Variants in SCN3A observed in about 807,000 individuals in gnomAD.
The protein encoded by SCN3A is sodium voltage-gated channel alpha subunit 3.
A neutral mutation model predicts 187.6 loss-of-function variants in SCN3A; 60 were observed. The observed-to-expected ratio is 0.32, with a 90% CI of 0.26 to 0.40. SCN3A has a LOEUF of 0.40. SCN3A is among the 10% of genes least tolerant of loss of function. The probability of loss-of-function intolerance (pLI) is 1.00; values close to 1 mark genes in which losing one functional copy is unlikely to be tolerated. For missense variants in SCN3A, 1,601 were observed against 2,428.2 expected, an observed-to-expected ratio of 0.66 and a Z score of 7.16; for synonymous variants, 788 against 829.2, an observed-to-expected ratio of 0.95 and a Z score of 0.85.
In SCN3A at chr2:165,139,527, C is replaced by T; in HGVS notation, c.2101G>A (p.Gly701Arg). Reference sequence around the variant, plus strand: ...GCTATGCTCACGGCTCTTTGCCTTCCAGAGGAATCCTCCAGCATCTCCATT... The same window carrying T: ...GCTATGCTCACGGCTCTTTGCCTTCTAGAGGAATCCTCCAGCATCTCCATT... ...ISMEMLEDSS[G>R]RQRAVSIASI... The change falls in exon 14 of 28, where the codon GGA becomes AGA. Residue 701 changes from glycine to arginine, a missense_variant. Physicochemically the swap from Gly to Arg is moderately radical, Grantham distance 125. Around this residue, in one of 11 missense-constraint regions of SCN3A, gnomAD observed 376 missense variants for 476.0 expected, o/e 0.79. Coordinates refer to ENST00000283254, the MANE Select transcript of SCN3A (RefSeq NM_006922.4). 1 of 1,613,928 alleles carries T rather than the reference C, an allele frequency of 6.2e-7. No homozygotes were observed. Among genetic ancestry groups the T allele is most frequent in the Non-Finnish European group, 8.5e-7 (1 of 1,179,900 alleles).
chr2:165,150,027 G>A (rs763055074), intron 11 of SCN3A, among the ~76,000 whole-genome samples: 9 of 152,046 alleles, frequency 5.9e-5, no homozygotes, highest in Non-Finnish European at 7.4e-5. Context: ...CTACTATTTC[G>A]AATTTTGTTC....
rs2105810698 is a variant in SCN3A at position 165,140,640 on chromosome 2, T to C, written c.2019+11A>G. On this transcript the variant is annotated intron_variant, in intron 13 of 27. Coordinates refer to ENST00000283254, the MANE Select transcript of SCN3A (RefSeq NM_006922.4). The surrounding 1 kb of genome is among the most constrained non-coding windows in gnomAD (Gnocchi z 4.2). ...AATAATGTCAGTAGCAGCTAGGTCA[T>C]CTATTATCACCTCTGGGGGAAGTTG... 6.2e-7 allele frequency: 1 copy of C among 1,610,268 alleles called. No homozygotes were observed. Among genetic ancestry groups the C allele is most frequent in the East Asian group, 2.2e-5 (1 of 44,842 alleles).
intron 6 of SCN3A, 104 bp from the exon 7 acceptor site, chr2:165,163,813 G>T: frequency 6.2e-7 from 1 of 1,613,854 alleles, no homozygotes; most frequent in African/African-American, 1.3e-5. Context: ...TGGAATTACA[G>T]AAATAGTTTT....
intron 2 of SCN3A, among the ~76,000 whole-genome samples, chr2:165,179,037 A>G (rs1690659864): frequency 1.3e-5 from 2 of 152,112 alleles, no homozygotes; most frequent in Non-Finnish European, 2.9e-5. Context: ...CATGAACTGA[A>G]TGGCTGTGGC....
chr2:165,094,323 A>G, intron 26 of SCN3A, 51 bp downstream of exon 26: 1 of 1,265,036 alleles, frequency 7.9e-7, no homozygotes, highest in Non-Finnish European at 1.2e-6. Flanking sequence ...GCTCAATTTG[A>G]CCATATGGAC....
intron 4 of SCN3A, among the ~76,000 whole-genome samples, chr2:165,169,513 A>G (rs1304518109): frequency 3.9e-5 from 6 of 151,908 alleles, no homozygotes; most frequent in Non-Finnish European, 8.8e-5. Flanking sequence ...TAGCTGTAGT[A>G]CGTTCTCTTG....
At chr2:165,104,177 A>G (rs993760196) in intron 21 of SCN3A, among the ~76,000 whole-genome samples, 2 of 152,048 alleles carry the variant, frequency 1.3e-5, no homozygotes, top group African/African-American at 4.8e-5. Flanking sequence ...AATTCAGAAA[A>G]AGTAAAAGTA....
intron 2 of SCN3A, among the ~76,000 whole-genome samples, chr2:165,182,058 A>G (rs983527503): frequency 6.6e-6 from 1 of 152,232 alleles, no homozygotes; most frequent in Non-Finnish European, 1.5e-5. Flanking sequence ...TAGCAGTTTT[A>G]GCACATGCCT....
chr2:165,111,258 C>T (rs1199596705), intron 21 of SCN3A, among the ~76,000 whole-genome samples: 1 of 152,078 alleles, frequency 6.6e-6, no homozygotes, highest in Non-Finnish European at 1.5e-5. Context: ...TCACTTGAAC[C>T]CCAGAGACGG....
chr2:165,095,553 G>A lies in SCN3A; in HGVS notation c.4389C>T (p.Phe1463=), dbSNP rs543590722. Residue 1463 remains phenylalanine, a synonymous_variant, in exon 25 of 28, where the codon TTC becomes TTT. Transcript: ENST00000283254. ...IFGSFFTLNL[F]IGVIIDNFNQ... is the part of the protein sequence containing the mutation. ...TGAAGTTATCTATGATGACACCAAT[G>A]AATAGATTCAGAGTGAAGAATGACC... The A allele has an allele frequency of 1.8e-4, 292 of 1,610,040 alleles. 3 individuals are homozygous for A. The South Asian group carries it at 3.1e-3, about 17-fold the overall frequency.
At chr2:165,110,973 T>C (rs1574125717) in intron 21 of SCN3A, among the ~76,000 whole-genome samples, 1 of 152,346 alleles carries the variant, frequency 6.6e-6, no homozygotes, top group South Asian at 2.1e-4. Flanking sequence ...TACATAGAAA[T>C]ACTCGAAGTA....
intron 21 of SCN3A, among the ~76,000 whole-genome samples, chr2:165,110,772 G>A (rs1686074679): frequency 6.6e-6 from 1 of 152,160 alleles, no homozygotes; most frequent in East Asian, 1.9e-4. Flanking sequence ...TCAGTACCCA[G>A]TTCCAATCTG....
At chr2:165,115,693 A>G (rs1474302728) in intron 18 of SCN3A, 118 bp from the exon 19 acceptor site, 3 of 877,010 alleles carry the variant, frequency 3.4e-6, no homozygotes, top group Non-Finnish European at 5.8e-6. Context: ...CTCTATTAGC[A>G]TTACTGATCA....
chr2:165,197,880 T>C (rs1692066086), intron 1 of SCN3A, among the ~76,000 whole-genome samples: 1 of 151,958 alleles, frequency 6.6e-6, no homozygotes, highest in African/African-American at 2.4e-5. Context: ...ACTAAGGCCA[T>C]TGTCAAAAAC....
chr2:165,167,717 A>G (rs928110195), intron 5 of SCN3A, among the ~76,000 whole-genome samples: 1 of 152,048 alleles, frequency 6.6e-6, no homozygotes, highest in Non-Finnish European at 1.5e-5. Context: ...GTGTTAGTTC[A>G]TGCACAGTTT....
intron 18 of SCN3A, 57 bp from the exon 19 acceptor site, chr2:165,115,632 G>T: frequency 6.5e-7 from 1 of 1,539,784 alleles, no homozygotes. Context: ...TTAACTAACT[G>T]GGAAATACTG....
In SCN3A at chr2:165,133,123, T is replaced by C. The variant is rs945986669; in HGVS notation, c.2392-1706A>G. 5.1e-3 allele frequency among the ~76,000 whole-genome samples: 777 copies of C among 152,140 alleles called. 2 individuals are homozygous for C. The highest frequency in any genetic ancestry group is 0.018 in the African/African-American group (739 of 41,498). ...GTTAGAATGGCAATCATTAAAAAGT[T>C]AGGAAACAACAGGTGCTGGAGAGGA... On this transcript the variant is annotated intron_variant, in intron 15 of 27. Coordinates refer to ENST00000283254, the MANE Select transcript of SCN3A (RefSeq NM_006922.4).
rs781765774 is a variant in SCN3A, at chr2:165,091,225, G to A, written c.4928C>T (p.Thr1643Met). ...GGACATCATCAAAGCAAAGAGCAGC[G>A]TGCGGATCCCCTTTGCTCCTTTGAT... is the stretch of plus-strand genomic sequence containing the variant. ...RLIKGAKGIR[T>M]LLFALMMSLP... Residue 1643 changes from threonine (T) to methionine (M), a missense_variant, in exon 28 of 28, where the codon ACG (threonine) becomes ATG (methionine). By Grantham distance (81) the Thr-to-Met change is moderately conservative (BLOSUM62 -1). This residue lies in a region of SCN3A where 320 missense variants were observed against 623.2 expected (regional missense o/e 0.51). Transcript: ENST00000283254. 6.2e-7 allele frequency: 1 copy of A among 1,614,108 alleles called. No homozygotes were observed. Among genetic ancestry groups the A allele is most frequent in the Non-Finnish European group, 8.5e-7 (1 of 1,180,004 alleles).
intron 21 of SCN3A, among the ~76,000 whole-genome samples, chr2:165,105,260 TC>T (rs1420756290): frequency 6.6e-6 from 1 of 152,136 alleles, no homozygotes; most frequent in Non-Finnish European, 1.5e-5. Flanking sequence ...GCTACAGACA[TC>T]AGAACATCTA....
Sources: gnomAD v4.1 joint callset for allele counts (sites outside exome capture counted in the v4.1 genomes callset) on GRCh38, gnomAD v4.1.1 for gene constraint, gnomAD v4.1.1 regional missense constraint, Gnocchi (gnomAD v3.1) non-coding constraint, MANE v1.5 for transcripts, NCBI Gene and HGNC (gene_info 2026-07-23, HGNC 2026-07-21) for gene names.